AFTPH: variants seen among roughly 807,000 people sequenced by gnomAD.
AFTPH encodes aftiphilin.
A neutral mutation model predicts 72.5 loss-of-function variants in AFTPH; 7 were observed. That is an observed-to-expected ratio of 0.10 (90% confidence interval 0.05 to 0.18). AFTPH has a LOEUF of 0.18. Among genes scored for constraint, AFTPH ranks in the 10% least tolerant of loss-of-function variants. The pLI, the probability that AFTPH is intolerant of heterozygous loss-of-function variation, is 1.00. For synonymous variants in AFTPH, 337 were observed against 370.1 expected (o/e 0.91, Z 1.03); for missense variants, 979 against 1,060.5 (o/e 0.92, Z 1.07).
At chr2:64,539,534 A>G (rs144797694) in intron 1 of AFTPH, among the ~76,000 whole-genome samples, 1 of 152,322 alleles carries the variant, frequency 6.6e-6, no homozygotes, top group Non-Finnish European at 1.5e-5. Context: ...TGGATATTTC[A>G]TAACTTATTT....
chr2:64,569,759 T>C, intron 5 of AFTPH, 80 bp downstream of exon 5: 2 of 1,302,404 alleles, frequency 1.5e-6, no homozygotes, highest in Middle Eastern at 1.8e-4. Flanking sequence ...CACTTCTATG[T>C]CATGCTATAT....
chr2:64,589,854 AAAAATG>A (rs1273505769), intron 8 of AFTPH, among the ~76,000 whole-genome samples: 1 of 152,002 alleles, frequency 6.6e-6, no homozygotes, highest in African/African-American at 2.4e-5. Flanking sequence ...AAAAAAAATT[AAAAATG>A]AAAGTATCAC....
At chr2:64,573,106 T>C in intron 6 of AFTPH, 38 bp downstream of exon 6, 1 of 1,485,074 alleles carries the variant, frequency 6.7e-7, no homozygotes, top group South Asian at 1.2e-5. Context: ...TGTTTATGCG[T>C]GTATATACAC....
Position 64,585,557 on chromosome 2 carries a change from G to A in AFTPH, c.2579+12G>A, listed in dbSNP as rs1249993826. 1.9e-6 allele frequency: 3 copies of A among 1,597,506 alleles called. No homozygotes were observed. The highest frequency in any genetic ancestry group is 2.6e-6 in the Non-Finnish European group (3 of 1,176,052). On this transcript the variant is annotated intron_variant, in intron 8 of 8. Transcript: ENST00000238856. ...AGCACATCTACCAGGTAAATAAATA[G>A]TGTCAATTATACCCACATTTTGAAT...
chr2:64,582,911 G>A (rs569333432), intron 7 of AFTPH, among the ~76,000 whole-genome samples: 17 of 152,308 alleles, frequency 1.1e-4, no homozygotes, highest in Non-Finnish European at 1.9e-4. Flanking sequence ...ACACAGCTGC[G>A]AGAAGAGCAA....
intron 1 of AFTPH, among the ~76,000 whole-genome samples, chr2:64,547,166 C>T (rs1207235968): frequency 6.6e-6 from 1 of 152,214 alleles, no homozygotes; most frequent in African/African-American, 2.4e-5. Context: ...TCACAATCAT[C>T]CCAGTAGCAA....
intron 1 of AFTPH, among the ~76,000 whole-genome samples, chr2:64,534,572 C>G (rs1363652789): frequency 1.3e-5 from 2 of 152,122 alleles, no homozygotes; most frequent in Non-Finnish European, 2.9e-5. Context: ...TAAGTTTACA[C>G]AAAGCACAGG....
chr2:64,548,433 A>AAC lies in AFTPH; in HGVS notation c.-32-3009_-32-3008insCA, dbSNP rs1553397848. 9.9e-4 allele frequency among the ~76,000 whole-genome samples: 102 copies of AAC among 102,608 alleles called. 6 individuals carry two copies. Among genetic ancestry groups the AAC allele is most frequent in the African/African-American group, 2.6e-3 (73 of 27,696 alleles). 67.3% of individuals were successfully genotyped at this position (102,608 alleles called of 152,430 possible). A position where few individuals can be genotyped will look rare whatever the true frequency, so the allele number is the denominator to read the frequency against. On this transcript the variant is annotated intron_variant, in intron 1 of 8. Transcript: ENST00000238856. ...AAAAAAAAAAAAAAAAAAAAAAAAAAAACTTTAGAAAAAGGAATCCTGTAG... is the reference window on the plus strand; with the variant it reads ...AAAAAAAAAAAAAAAAAAAAAAAAAAACAACTTTAGAAAAAGGAATCCTGTAG...
At chr2:64,539,821 T>G (rs1670114969) in intron 1 of AFTPH, among the ~76,000 whole-genome samples, 1 of 151,796 alleles carries the variant, frequency 6.6e-6, no homozygotes, top group Non-Finnish European at 1.5e-5. Context: ...TTGTGTTGAG[T>G]TGAGGAGTGA....
intron 7 of AFTPH, among the ~76,000 whole-genome samples, chr2:64,583,573 C>T (rs1418441991): frequency 6.6e-6 from 1 of 152,002 alleles, no homozygotes; most frequent in Admixed American, 6.6e-5. Context: ...ATTTATTCTG[C>T]CTTATACACT....
At chr2:64,571,417 A>G (rs1672424277) in intron 5 of AFTPH, among the ~76,000 whole-genome samples, 1 of 152,222 alleles carries the variant, frequency 6.6e-6, no homozygotes, top group Non-Finnish European at 1.5e-5. Context: ...ACTTGGCTGA[A>G]ACTAGTAATT....
intron 1 of AFTPH, among the ~76,000 whole-genome samples, chr2:64,540,090 T>A (rs971179656): frequency 2.0e-5 from 3 of 152,122 alleles, no homozygotes; most frequent in Non-Finnish European, 2.9e-5. Flanking sequence ...AGATTGTGGA[T>A]GTAAGCAAGA....
intron 2 of AFTPH, among the ~76,000 whole-genome samples, chr2:64,558,087 G>T (rs892406542): frequency 3.3e-5 from 5 of 152,138 alleles, no homozygotes; most frequent in Admixed American, 6.5e-5. Flanking sequence ...CTCTTAAATG[G>T]AAGATTAAAT....
intron 1 of AFTPH, among the ~76,000 whole-genome samples, chr2:64,535,640 A>G (rs114490925): frequency 5.6e-4 from 85 of 152,368 alleles, no homozygotes; most frequent in African/African-American, 1.9e-3. Context: ...TACCTATCAC[A>G]TAGTAACTTA....
chr2:64,528,352 T>C (rs1034712381), intron 1 of AFTPH, among the ~76,000 whole-genome samples: 9 of 152,348 alleles, frequency 5.9e-5, no homozygotes, highest in African/African-American at 2.2e-4. Context: ...GTGCTGGGGA[T>C]ACTGAAATGA....
intron 1 of AFTPH, 142 bp downstream of exon 1, chr2:64,524,754 C>T (rs1010060983): frequency 3.9e-5 from 14 of 356,934 alleles, no homozygotes; most frequent in Non-Finnish European, 6.0e-5. Flanking sequence ...GGAGCTGGCT[C>T]TGCGGGCCTG....
At chr2:64,558,689 A>G (rs1671536044) in intron 2 of AFTPH, among the ~76,000 whole-genome samples, 1 of 152,250 alleles carries the variant, frequency 6.6e-6, no homozygotes. Context: ...TTCATACTGC[A>G]TAATTTATTG....
intron 2 of AFTPH, among the ~76,000 whole-genome samples, chr2:64,554,384 A>G (rs1671236328): frequency 6.6e-6 from 1 of 152,182 alleles, no homozygotes; most frequent in African/African-American, 2.4e-5. Flanking sequence ...ACTGCCTTAT[A>G]CTGACAATTG....
At chr2:64,529,653 A>G (rs1238416882) in intron 1 of AFTPH, among the ~76,000 whole-genome samples, 1 of 148,902 alleles carries the variant, frequency 6.7e-6, no homozygotes, top group Admixed American at 6.7e-5. Context: ...TTTTTGAGAC[A>G]GAGTCTCACT....
Sources: gnomAD v4.1 joint callset for allele counts (sites outside exome capture counted in the v4.1 genomes callset) on GRCh38, gnomAD v4.1.1 for gene constraint, MANE v1.5 for transcripts, NCBI Gene and HGNC (gene_info 2026-07-23, HGNC 2026-07-21) for gene names.